COL19A1: variants seen among roughly 807,000 people sequenced by gnomAD.
The protein encoded by COL19A1 is collagen alpha-1(XIX) chain.
A neutral mutation model predicts 190.2 loss-of-function variants in COL19A1; 159 were observed. The observed-to-expected ratio is 0.84, with a 90% CI of 0.73 to 0.95. The LOEUF is 0.95. Among genes scored for constraint, COL19A1 ranks in the 40% least tolerant of loss-of-function variants. COL19A1 has a pLI of 0.00. For synonymous variants in COL19A1, 509 were observed against 458.9 expected (o/e 1.11, Z -1.39); for missense variants, 1,418 against 1,431.9 (o/e 0.99, Z 0.16).
At chr6:70,206,750 T>C in intron 49 of COL19A1, 151 bp from the exon 50 acceptor site, 2 of 572,574 alleles carry the variant, frequency 3.5e-6, no homozygotes, top group Non-Finnish European at 5.9e-6. Flanking sequence ...AAGTTTAATA[T>C]GTGGTTAATG....
intron 12 of COL19A1, 93 bp downstream of exon 12, chr6:70,023,773 G>T (rs1271252807): frequency 2.7e-6 from 3 of 1,106,184 alleles, no homozygotes; most frequent in Non-Finnish European, 2.6e-6. Context: ...TTTTGGCAGA[G>T]CCAGCCAGCC....
At chr6:70,150,484 G>A (rs1786987017) in intron 30 of COL19A1, among the ~76,000 whole-genome samples, 2 of 152,112 alleles carry the variant, frequency 1.3e-5, no homozygotes, top group Non-Finnish European at 2.9e-5. Context: ...TATGAAAACT[G>A]GCTTGAGTAG....
At chr6:69,920,074 T>C (rs917321272) in intron 4 of COL19A1, among the ~76,000 whole-genome samples, 2 of 152,062 alleles carry the variant, frequency 1.3e-5, no homozygotes, top group Non-Finnish European at 2.9e-5. Context: ...AAAAACCTGA[T>C]CATCAGCACA....
chr6:69,999,681 A>T (rs755367689), intron 11 of COL19A1, among the ~76,000 whole-genome samples: 1 of 152,182 alleles, frequency 6.6e-6, no homozygotes, highest in Non-Finnish European at 1.5e-5. Flanking sequence ...AATATAAAGC[A>T]TTCTACATCG....
intron 4 of COL19A1, among the ~76,000 whole-genome samples, chr6:69,921,030 T>TATATCATATATATTCATAGAC (rs1163816887): frequency 2.4e-4 from 5 of 20,636 alleles, no homozygotes; most frequent in Non-Finnish European, 6.6e-4. Context: ...TATATTCATA[T>TATATCATATATATTCATAGAC]ATATCATATA....
intron 16 of COL19A1, among the ~76,000 whole-genome samples, chr6:70,110,331 A>G (rs749529608): frequency 6.6e-6 from 1 of 152,162 alleles, no homozygotes; most frequent in Non-Finnish European, 1.5e-5. Flanking sequence ...AGAGAACCAC[A>G]ATCTCTTCTG....
At chr6:70,145,722 CTT>C (rs56306364) in intron 25 of COL19A1, among the ~76,000 whole-genome samples, 40 of 128,082 alleles carry the variant, frequency 3.1e-4, no homozygotes, top group Non-Finnish European at 2.6e-4. Context: ...CTTATTGTTT[CTT>C]TTTTTTTTTT....
At chr6:70,182,111 T>C (rs1382993230) in intron 44 of COL19A1, among the ~76,000 whole-genome samples, 1 of 151,078 alleles carries the variant, frequency 6.6e-6, no homozygotes, top group Non-Finnish European at 1.5e-5. Context: ...CTGTAGGGAG[T>C]GGGGTAGAGG....
intron 11 of COL19A1, among the ~76,000 whole-genome samples, chr6:69,986,224 TATA>T (rs1776307522): frequency 1.4e-3 from 14 of 9,710 alleles, no homozygotes; most frequent in East Asian, 0.056. Flanking sequence ...ACACGTTTTA[TATA>T]TATATATATA....
chr6:70,096,389 C>T (rs946018787), intron 15 of COL19A1, among the ~76,000 whole-genome samples: 3 of 152,162 alleles, frequency 2.0e-5, no homozygotes, highest in Admixed American at 6.6e-5. Flanking sequence ...ATCCCATCAA[C>T]CTTGCACAAG....
At chr6:70,065,117 C>T (rs561319815) in intron 14 of COL19A1, among the ~76,000 whole-genome samples, 6 of 152,192 alleles carry the variant, frequency 3.9e-5, no homozygotes, top group South Asian at 4.2e-4. Flanking sequence ...CTTTAAAGTT[C>T]GTATGGAACC....
chr6:70,110,023 C>A (rs561042125), intron 16 of COL19A1, among the ~76,000 whole-genome samples: 1 of 152,184 alleles, frequency 6.6e-6, no homozygotes, highest in Admixed American at 6.6e-5. Context: ...ACTTTATTTA[C>A]TATGCACTGA....
chr6:69,914,056 G>A (rs899498996), intron 4 of COL19A1, among the ~76,000 whole-genome samples: 1 of 152,088 alleles, frequency 6.6e-6, no homozygotes, highest in Non-Finnish European at 1.5e-5. Context: ...TTTATCCTTG[G>A]TTTTTGTTAT....
At chr6:69,913,373 C>T (rs1771089565) in intron 4 of COL19A1, among the ~76,000 whole-genome samples, 1 of 151,918 alleles carries the variant, frequency 6.6e-6, no homozygotes, top group Admixed American at 6.6e-5. Flanking sequence ...AGAAACAGTC[C>T]CCTCCATTGA....
intron 4 of COL19A1, among the ~76,000 whole-genome samples, chr6:69,905,240 GT>G (rs1770471857): frequency 6.6e-6 from 1 of 152,222 alleles, no homozygotes; most frequent in Admixed American, 6.5e-5. Context: ...GAGTGGGTGG[GT>G]GAGCAGAGAG....
intron 15 of COL19A1, among the ~76,000 whole-genome samples, chr6:70,072,350 G>C (rs554594114): frequency 1.3e-5 from 2 of 152,138 alleles, no homozygotes; most frequent in East Asian, 3.9e-4. Flanking sequence ...AGCTACCCTG[G>C]TCTTTTTAAA....
chr6:70,103,517 A>G (rs1292797680), intron 16 of COL19A1, among the ~76,000 whole-genome samples: 1 of 152,074 alleles, frequency 6.6e-6, no homozygotes, highest in Admixed American at 6.6e-5. Flanking sequence ...TCTACATGCC[A>G]TTCTGGGCCC....
chr6:70,103,224 C>T (rs1001652908), intron 16 of COL19A1, among the ~76,000 whole-genome samples: 9 of 152,152 alleles, frequency 5.9e-5, no homozygotes, highest in Non-Finnish European at 8.8e-5. Context: ...TCTAAACAGT[C>T]TCTAAATCAT....
rs550933423 is a variant in COL19A1 at position 70,053,373 on chromosome 6, G to A, written c.1171-15050G>A. 1.4e-4 allele frequency among the ~76,000 whole-genome samples: 22 copies of A among 152,158 alleles called. No individual in the cohort carries two copies. The South Asian group carries it at 3.3e-3, about 23-fold the overall frequency. On this transcript the variant is annotated intron_variant, in intron 14 of 50. Transcript: ENST00000620364. ...TAGTGACTGGTAAATTGAAAATTAG[G>A]GTTTTTTTCTGACTTTGATAGATTC... is the stretch of plus-strand genomic sequence containing the variant.
Sources: allele counts gnomAD v4.1 joint callset (sites outside exome capture counted in the v4.1 genomes callset), GRCh38; gene constraint gnomAD v4.1.1; transcripts MANE v1.5; gene names NCBI Gene and HGNC (gene_info 2026-07-23, HGNC 2026-07-21).